Variants in EIF3H observed in about 807,000 individuals in gnomAD.
EIF3H encodes the protein eukaryotic translation initiation factor 3 subunit H.
In EIF3H, 26 loss-of-function variants were observed where a neutral mutation model predicts 44.2. The ratio of observed to expected loss-of-function variants is 0.59; its 90% CI spans 0.43 to 0.82. The LOEUF (loss-of-function observed/expected upper bound fraction) is 0.82, where lower values mean the gene tolerates loss of function less well. EIF3H is among the 40% of genes least tolerant of loss of function. EIF3H has a pLI of 0.00. For missense variants in EIF3H, 359 were observed against 432.8 expected (o/e 0.83, Z 1.51); for synonymous variants, 166 against 151.9 (o/e 1.09, Z -0.68).
chr8:116,655,415 C>A (rs1813472331), intron 5 of EIF3H, among the ~76,000 whole-genome samples: 1 of 152,026 alleles, frequency 6.6e-6, no homozygotes, highest in Admixed American at 6.6e-5. Context: ...CTGCAAGAGT[C>A]TGCATCTGAA....
chr8:116,677,459 T>C (rs1813869023), intron 2 of EIF3H, among the ~76,000 whole-genome samples: 1 of 152,268 alleles, frequency 6.6e-6, no homozygotes. Flanking sequence ...CATGTCCTAA[T>C]GTCCCCCATG....
intron 2 of EIF3H, among the ~76,000 whole-genome samples, chr8:116,677,684 C>T (rs963641320): frequency 2.6e-5 from 4 of 152,168 alleles, no homozygotes; most frequent in African/African-American, 4.8e-5. Context: ...TTTTTCCAAT[C>T]GTCACATGTG....
chr8:116,673,659 T>C (rs1414401558), intron 2 of EIF3H, among the ~76,000 whole-genome samples: 8 of 152,112 alleles, frequency 5.3e-5, no homozygotes, highest in Admixed American at 3.9e-4. Context: ...GGGGTAAAAA[T>C]GTAATCTCGT....
intron 2 of EIF3H, among the ~76,000 whole-genome samples, chr8:116,719,580 G>A (rs1814710681): frequency 6.6e-6 from 1 of 152,044 alleles, no homozygotes; most frequent in Non-Finnish European, 1.5e-5. Flanking sequence ...CAAGAACACA[G>A]TCATTCTAAA....
At chr8:116,759,609 A>C (rs1815493819), upstream of EIF3H, among the ~76,000 whole-genome samples, 1 of 152,142 alleles carries the variant, frequency 6.6e-6, no homozygotes, top group Non-Finnish European at 1.5e-5. Context: ...TTTTATTACG[A>C]TAGAGAGTGC....
chr8:116,701,842 T>C (rs1282911158), intron 2 of EIF3H, among the ~76,000 whole-genome samples: 3 of 152,206 alleles, frequency 2.0e-5, no homozygotes, highest in Non-Finnish European at 4.4e-5. Flanking sequence ...GACTGCATCC[T>C]ACATCAACAG....
intron 2 of EIF3H, among the ~76,000 whole-genome samples, chr8:116,668,495 G>T (rs1244553418): frequency 6.6e-6 from 1 of 152,218 alleles, no homozygotes; most frequent in Middle Eastern, 3.4e-3. Flanking sequence ...AGTGACAAAA[G>T]TTTTCTGTTG....
Position 116,651,912 on chromosome 8 carries a change from T to C in EIF3H, c.708-2986A>G, listed in dbSNP as rs142815260. Among the ~76,000 whole-genome samples the C allele has an allele frequency of 7.4e-3, 1,126 of 152,264 alleles. 13 individuals carry two copies. The highest frequency in any genetic ancestry group is 0.025 in the African/African-American group (1,047 of 41,546). Reference sequence around the variant, plus strand: ...TTTAAGCAAAGGAGTAATATGAGCATCTAATTTGCATTTAGCAAGATCATT... The same window carrying C: ...TTTAAGCAAAGGAGTAATATGAGCACCTAATTTGCATTTAGCAAGATCATT... On this transcript the variant is annotated intron_variant, in intron 5 of 7. Transcript: ENST00000521861.
At chr8:116,693,420 A>G (rs1196932425) in intron 2 of EIF3H, among the ~76,000 whole-genome samples, 3 of 152,200 alleles carry the variant, frequency 2.0e-5, no homozygotes, top group African/African-American at 7.2e-5. Context: ...CTACGTGGTA[A>G]CAAATAGAGA....
chr8:116,759,065 C>T (rs1586500558), upstream of EIF3H, among the ~76,000 whole-genome samples: 1 of 152,282 alleles, frequency 6.6e-6, no homozygotes, highest in South Asian at 2.1e-4. Flanking sequence ...TGGTCACAAC[C>T]ATTAAGTTGT....
chr8:116,656,287 T>G (rs1396294320), intron 4 of EIF3H, among the ~76,000 whole-genome samples: 3 of 152,182 alleles, frequency 2.0e-5, no homozygotes, highest in African/African-American at 7.2e-5. Context: ...CTTTAAAATT[T>G]CACTGATACT....
At chr8:116,676,958 A>T (rs1482060333) in intron 2 of EIF3H, among the ~76,000 whole-genome samples, 1 of 152,196 alleles carries the variant, frequency 6.6e-6, no homozygotes, top group Non-Finnish European at 1.5e-5. Flanking sequence ...AAAATAAAAA[A>T]AAAAAATTCA....
intron 2 of EIF3H, among the ~76,000 whole-genome samples, chr8:116,719,789 G>GA (rs35770503): frequency 1 from 152,286 of 152,288 alleles, 76,142 homozygotes; most frequent in Non-Finnish European, 1. Flanking sequence ...ACATGTATAA[G>GA]AAAATGACAA....
At chr8:116,696,090 G>A (rs977174691) in intron 2 of EIF3H, among the ~76,000 whole-genome samples, 1 of 152,190 alleles carries the variant, frequency 6.6e-6, no homozygotes, top group African/African-American at 2.4e-5. Flanking sequence ...CAAGAGCAAT[G>A]AGCATGCTCA....
intron 3 of EIF3H, among the ~76,000 whole-genome samples, chr8:116,657,941 T>C (rs1388374873): frequency 6.6e-6 from 1 of 152,242 alleles, no homozygotes; most frequent in African/African-American, 2.4e-5. Flanking sequence ...GGCATGCCAA[T>C]ATTCGCCTAA....
intron 1 of EIF3H, among the ~76,000 whole-genome samples, chr8:116,761,567 T>C (rs1815519429): frequency 6.6e-6 from 1 of 152,222 alleles, no homozygotes; most frequent in Non-Finnish European, 1.5e-5. Flanking sequence ...AATAAATTTC[T>C]TTCAATTTAC....
chr8:116,679,699 C>T (rs1294827504), intron 2 of EIF3H, among the ~76,000 whole-genome samples: 1 of 8,152 alleles, frequency 1.2e-4, no homozygotes, highest in Non-Finnish European at 3.5e-4. Flanking sequence ...TCTGCCCAGC[C>T]GCCCCTACTG....
At chr8:116,751,927 G>T (rs571901175) in intron 1 of EIF3H, among the ~76,000 whole-genome samples, 22 of 152,262 alleles carry the variant, frequency 1.4e-4, no homozygotes, top group Admixed American at 3.9e-4. Context: ...TCAAATCCAA[G>T]CAGTCTGGCT....
chr8:116,675,946 TG>T (rs1813839939), intron 2 of EIF3H, among the ~76,000 whole-genome samples: 2 of 152,214 alleles, frequency 1.3e-5, no homozygotes, highest in South Asian at 4.1e-4. Flanking sequence ...TGAATAAGAT[TG>T]TTTCAATGCC....
Sources: gnomAD v4.1 joint callset for allele counts (sites outside exome capture counted in the v4.1 genomes callset) on GRCh38, gnomAD v4.1.1 for gene constraint, MANE v1.5 for transcripts, NCBI Gene and HGNC (gene_info 2026-07-23, HGNC 2026-07-21) for gene names.